RGL4: variants seen among roughly 807,000 people sequenced by gnomAD.
RGL4 encodes ral-GDS-related protein.
In RGL4, 41 loss-of-function variants were observed where a neutral mutation model predicts 49.6. The observed-to-expected ratio is 0.83, with a 90% CI of 0.64 to 1.07. RGL4 has a LOEUF of 1.07. Among genes scored for constraint, RGL4 ranks in the 50% least tolerant of loss-of-function variants. The pLI, the probability that RGL4 is intolerant of heterozygous loss-of-function variation, is 0.00. For missense variants in RGL4, 610 were observed against 591.9 expected (o/e 1.03, Z -0.32); for synonymous variants, 255 against 238.0 (o/e 1.07, Z -0.66).
chr22:23,699,118 T>G lies in RGL4; in HGVS notation c.*235T>G. 6.7e-7 allele frequency: 1 copy of G among 1,493,180 alleles called. No individual in the cohort carries two copies. Among genetic ancestry groups the G allele is most frequent in the Non-Finnish European group, 8.9e-7 (1 of 1,125,974 alleles). The allele number at this position is 1,493,180 out of a possible 1,614,324, so 92.5% of individuals were successfully genotyped here. A position where few individuals can be genotyped will look rare whatever the true frequency, so the allele number is the denominator to read the frequency against. ...TTTTATGTTTATTTTCTTTAGTGTA[T>G]AAGTAAGGGTTTTTTCTTAACTTTC... On this transcript the variant is annotated 3_prime_UTR_variant, in exon 11 of 11. Transcript: ENST00000290691.
chr22:23,698,841 CAGCTACAAGCTGT>C lies in RGL4; in HGVS notation c.1383-2_1393del, dbSNP rs780723272. On this transcript the variant is annotated splice_acceptor_variant and coding_sequence_variant, in exon 11 of 11. Transcript: ENST00000290691. LOFTEE classifies it high-confidence loss of function. Reference sequence around the variant, plus strand: ...GCCTCACAGCTGCTTCTCTGTCCTGCAGCTACAAGCTGTCCTGCCAGCTGGAGCCCGAAAACCC... The same window carrying C: ...GCCTCACAGCTGCTTCTCTGTCCTGCCCTGCCAGCTGGAGCCCGAAAACCC... The C allele has an allele frequency of 7.1e-4, 1,145 of 1,610,898 alleles. No homozygotes were observed. The highest frequency in any genetic ancestry group is 9.3e-4 in the Non-Finnish European group (1,091 of 1,178,684).
intron 6 of RGL4, chr22:23,695,239 T>C (rs1170892867): frequency 9.9e-6 from 5 of 504,594 alleles, no homozygotes; most frequent in Non-Finnish European, 1.8e-5. Flanking sequence ...CAGGAGGCCC[T>C]GGAAATGGGA....
chr22:23,698,008 G>C, intron 9 of RGL4, 147 bp downstream of exon 9: 1 of 1,122,492 alleles, frequency 8.9e-7, no homozygotes, highest in Non-Finnish European at 1.2e-6. Flanking sequence ...ACCTATCCCA[G>C]GAGAAAATGG....
At chr22:23,695,223 TG>T (rs1393490940) in intron 6 of RGL4, 2 of 519,108 alleles carry the variant, frequency 3.9e-6, no homozygotes, top group East Asian at 3.7e-5. Context: ...CGTGGGGGCA[TG>T]GGGGCAGGAG....
Position 23,692,112 on chromosome 22 carries a change from G to C in RGL4, c.82G>C (p.Glu28Gln). Reference protein sequence around the residue: ...VYSAVLQGLWEENVCGTPGRT... With the variant: ...VYSAVLQGLWQENVCGTPGRT... ...CAGTGCTGTGCTCCAGGGCCTTTGG[G>C]AAGAGAATGTCTGTGGGACGCCAGG... is the stretch of plus-strand genomic sequence containing the variant. Residue 28 changes from glutamate (E) to glutamine (Q), a missense_variant, in exon 1 of 11, where the codon GAA becomes CAA. Coordinates refer to ENST00000290691, the MANE Select transcript of RGL4 (RefSeq NM_153615.2). The C allele has an allele frequency of 1.2e-6, 2 of 1,614,186 alleles. No individual in the cohort carries two copies. The highest frequency in any genetic ancestry group is 1.7e-6 in the Non-Finnish European group (2 of 1,180,016).
At position 23,693,770 on chromosome 22, in the gene RGL4, G is replaced by C. The variant is rs768352382; in HGVS notation, c.708G>C (p.Lys236Asn). 6.2e-7 allele frequency: 1 copy of C among 1,614,048 alleles called. No homozygotes were observed. The highest frequency in any genetic ancestry group is 8.5e-7 in the Non-Finnish European group (1 of 1,179,968). The change falls in exon 4 of 11, where the codon AAG becomes AAC. Residue 236 changes from lysine (K) to asparagine (N), a missense_variant. Lys to Asn is a moderately conservative substitution (Grantham distance 94, BLOSUM62 0). Transcript: ENST00000290691. ...CTCCTCCCCCAAAGGAGCTGTTCAA[G>C]AAGGTGGTGCTCCACGAATGCTTGG... ...QLTLMDAELF[K>N]KVVLHECLGC...
chr22:23,695,644 C>T (rs895084711), intron 6 of RGL4: 14 of 327,996 alleles, frequency 4.3e-5, no homozygotes, highest in Non-Finnish European at 7.8e-5. Flanking sequence ...CCCCACTCTG[C>T]CCTTTGCAGA....
rs1219319877 is a variant in RGL4, at chr22:23,691,967, T to TC, written c.-58dup. On this transcript the variant is annotated 5_prime_UTR_variant, in exon 1 of 11. Coordinates refer to ENST00000290691, the MANE Select transcript of RGL4 (RefSeq NM_153615.2). ...GGCTTCCCAGCTCTCCCTGTCCTCCTCCCCCCGACATCTGCCCCTTCCCTC... is the reference window on the plus strand; with the variant it reads ...GGCTTCCCAGCTCTCCCTGTCCTCCTCCCCCCCGACATCTGCCCCTTCCCTC... 6.4e-6 allele frequency: 10 copies of TC among 1,556,092 alleles called. No homozygotes were observed. The East Asian group carries it at 1.8e-4, about 28-fold the overall frequency.
Position 23,692,535 on chromosome 22 carries a change from G to A in RGL4, c.373+7G>A, listed in dbSNP as rs1401674500. 6.2e-7 allele frequency: 1 copy of A among 1,609,584 alleles called. No individual in the cohort carries two copies. Among genetic ancestry groups the A allele is most frequent in the Admixed American group, 1.7e-5 (1 of 59,628 alleles). On this transcript the variant is annotated splice_region_variant and intron_variant, in intron 2 of 10. Transcript: ENST00000290691. ...AACGAGGCCAAGCCAGATGGTGAGG[G>A]GGCTTGCAGTCTGCAAGACTTTCCG... is the stretch of plus-strand genomic sequence containing the variant.
At chr22:23,697,387 G>A (rs1923575967) in intron 8 of RGL4, 142 bp downstream of exon 8, 3 of 665,912 alleles carry the variant, frequency 4.5e-6, no homozygotes, top group African/African-American at 3.6e-5. Flanking sequence ...GGGTGGGGGT[G>A]TCAGGCCCAT....
chr22:23,691,541 C>CA lies in RGL4; in HGVS notation c.-489dup, dbSNP rs2059949596. 6.4e-6 allele frequency: 1 copy of CA among 155,362 alleles called. No homozygotes were observed. The highest frequency in any genetic ancestry group is 2.0e-4 in the South Asian group (1 of 5,018). The allele number at this position is 155,362 out of a possible 1,614,324, so 9.6% of individuals were successfully genotyped here. A position where few individuals can be genotyped will look rare whatever the true frequency, so the allele number is the denominator to read the frequency against. On this transcript the variant is annotated 5_prime_UTR_variant, in exon 1 of 11. The change abolishes the stop of an existing upstream ORF in the 5' untranslated region. Coordinates refer to ENST00000290691, the MANE Select transcript of RGL4 (RefSeq NM_153615.2). ...ACAATCCCCCGGCCTTGATTCTACT[C>CA]AGAGTCAGGCACTCACAGTAGACAG...
At chr22:23,696,035 C>T (rs920901945) in intron 6 of RGL4, among the ~76,000 whole-genome samples, 1 of 152,190 alleles carries the variant, frequency 6.6e-6, no homozygotes, top group African/African-American at 2.4e-5. Flanking sequence ...GTCCCTTTCC[C>T]ATCACGACTG....
intron 2 of RGL4, 51 bp downstream of exon 2, chr22:23,692,579 T>C (rs1425467435): frequency 1.3e-6 from 2 of 1,586,060 alleles, no homozygotes; most frequent in Admixed American, 3.5e-5. Flanking sequence ...GTTTTGGGGC[T>C]ACAATTCCCT....
At chr22:23,692,596 C>T in intron 2 of RGL4, 68 bp downstream of exon 2, 1 of 1,578,588 alleles carries the variant, frequency 6.3e-7, no homozygotes, top group South Asian at 1.1e-5. Flanking sequence ...CCCTTAAATT[C>T]CACCCGGTCA....
At position 23,691,542 on chromosome 22, in the gene RGL4, A is replaced by T. The variant is rs1453769519; in HGVS notation, c.-489A>T. 1 of 155,420 alleles carries T rather than the reference A, an allele frequency of 6.4e-6. No homozygotes were observed. Among genetic ancestry groups the T allele is most frequent in the East Asian group, 1.9e-4 (1 of 5,336 alleles). The allele number at this position is 155,420 out of a possible 1,614,324, so 9.6% of individuals were successfully genotyped here. A position where few individuals can be genotyped will look rare whatever the true frequency, so the allele number is the denominator to read the frequency against. On this transcript the variant is annotated 5_prime_UTR_variant, in exon 1 of 11. The change creates a premature stop within an existing upstream ORF in the 5' untranslated region. Transcript: ENST00000290691. ...CAATCCCCCGGCCTTGATTCTACTC[A>T]GAGTCAGGCACTCACAGTAGACAGA...
intron 3 of RGL4, 79 bp downstream of exon 3, chr22:23,693,070 C>A: frequency 6.7e-7 from 1 of 1,484,136 alleles, no homozygotes; most frequent in Non-Finnish European, 8.9e-7. Flanking sequence ...GCAGCCAATG[C>A]CCTCGGTCCA....
At position 23,692,007 on chromosome 22, in the gene RGL4, AG is replaced by A. The variant is rs772559734; in HGVS notation, c.-20del. The A allele has an allele frequency of 1.2e-6, 2 of 1,608,648 alleles. No individual in the cohort carries two copies. Among genetic ancestry groups the A allele is most frequent in the South Asian group, 2.2e-5 (2 of 90,830 alleles). ...CCCCTTCCCTCCTAACCCCAGGACC[AG>A]GGGACCCAGATCTGGAGCTTTGATG... On this transcript the variant is annotated 5_prime_UTR_variant, in exon 1 of 11. Transcript: ENST00000290691.
chr22:23,697,473 C>T (rs1923582029), intron 8 of RGL4, among the ~76,000 whole-genome samples: 1 of 152,310 alleles, frequency 6.6e-6, no homozygotes, highest in South Asian at 2.1e-4. Context: ...TGCAGAGCTG[C>T]CTGACTGCAA....
At chr22:23,696,399 G>C in intron 6 of RGL4, 1 of 1,506,210 alleles carries the variant, frequency 6.6e-7, no homozygotes, top group Non-Finnish European at 8.9e-7. Flanking sequence ...AGGTAGCTGT[G>C]GTTTGCATCA....
Sources: allele counts gnomAD v4.1 joint callset (sites outside exome capture counted in the v4.1 genomes callset), GRCh38; gene constraint gnomAD v4.1.1; transcripts MANE v1.5; gene names NCBI Gene and HGNC (gene_info 2026-07-23, HGNC 2026-07-21).